The following CEP164 variants were observed in gnomAD, a reference collection of about 807,000 sequenced individuals.
CEP164 encodes the protein centrosomal protein of 164 kDa.
Under a neutral mutation model 182.7 loss-of-function variants are expected in CEP164, and 162 were observed. That is an observed-to-expected ratio of 0.89 (90% CI 0.78 to 1.01). The LOEUF is 1.01. Among genes scored for constraint, CEP164 ranks in the 50% least tolerant of loss-of-function variants. CEP164 has a pLI of 0.00. For synonymous variants in CEP164, 661 were observed against 690.0 expected, an observed-to-expected ratio of 0.96 and a Z score of 0.66; for missense variants, 1,735 against 1,790.4, an observed-to-expected ratio of 0.97 and a Z score of 0.56.
intron 20 of CEP164, among the ~76,000 whole-genome samples, chr11:117,393,996 CATA>C (rs1171144579): frequency 1.3e-5 from 2 of 152,244 alleles, no homozygotes; most frequent in African/African-American, 2.4e-5. Flanking sequence ...TGAAATTTGC[CATA>C]TCCCTTCCCC....
chr11:117,393,142 C>A lies in CEP164; in HGVS notation c.2616+16C>A, dbSNP rs1483987108. The stretch of plus-strand genomic sequence containing the variant: ...TGAAGCTGAGGTAGCTCAGCCACAT[C>A]CCCTGCGCGCATGCACACACATGCA... On this transcript the variant is annotated intron_variant, in intron 20 of 32. Coordinates refer to ENST00000278935, the MANE Select transcript of CEP164 (RefSeq NM_014956.5). The A allele has an allele frequency of 1.2e-6, 2 of 1,610,272 alleles. No individual in the cohort carries two copies. Among genetic ancestry groups the A allele is most frequent in the South Asian group, 1.1e-5 (1 of 90,770 alleles).
chr11:117,364,931 C>T (rs17120652), intron 8 of CEP164, among the ~76,000 whole-genome samples: 25,308 of 151,978 alleles, frequency 0.17, 2,389 homozygotes, highest in East Asian at 0.37. Context: ...TCTAAGTGTC[C>T]CGTTTTTATT....
At chr11:117,392,759 C>T in intron 19 of CEP164, 132 bp downstream of exon 19, 1 of 1,314,140 alleles carries the variant, frequency 7.6e-7, no homozygotes, top group Non-Finnish European at 1.0e-6. Flanking sequence ...TTTCTAGTTC[C>T]CTTTTTATGC....
At chr11:117,407,870 G>A in intron 27 of CEP164, 55 bp from the exon 28 acceptor site, 1 of 1,333,482 alleles carries the variant, frequency 7.5e-7, no homozygotes, top group Non-Finnish European at 1.1e-6. Context: ...GCAGGGTTGG[G>A]ACTCCAGCGT....
At chr11:117,369,514 G>C (rs1014817512) in intron 8 of CEP164, among the ~76,000 whole-genome samples, 4 of 152,212 alleles carry the variant, frequency 2.6e-5, no homozygotes, top group African/African-American at 4.8e-5. Context: ...TCTCAGGCTT[G>C]CAGGGAGAGG....
chr11:117,379,573 A>T (rs2043095200), intron 11 of CEP164, among the ~76,000 whole-genome samples: 1 of 152,022 alleles, frequency 6.6e-6, no homozygotes, highest in Non-Finnish European at 1.5e-5. Context: ...TGGGAAGAGG[A>T]GCTAACATTG....
At chr11:117,336,183 A>G in intron 2 of CEP164, 2 of 1,584,056 alleles carry the variant, frequency 1.3e-6, no homozygotes, top group Non-Finnish European at 1.7e-6. Context: ...ACTTGAGGGA[A>G]GGGTCCAGGG....
chr11:117,335,467 A>G (rs1359574804), intron 1 of CEP164, 138 bp from the exon 2 acceptor site: 2 of 152,166 alleles, frequency 1.3e-5, no homozygotes, highest in East Asian at 3.8e-4. Flanking sequence ...GAGGGGGGCC[A>G]TAGTAAACAA....
chr11:117,369,443 ACT>A (rs1427548168), intron 8 of CEP164, among the ~76,000 whole-genome samples: 2 of 152,008 alleles, frequency 1.3e-5, no homozygotes, highest in Non-Finnish European at 2.9e-5. Flanking sequence ...GCTCTGAATG[ACT>A]CTGCTTTACT....
At position 117,412,357 on chromosome 11, in the gene CEP164, G is replaced by C; in HGVS notation, c.*189G>C. 5.6e-6 allele frequency: 3 copies of C among 531,952 alleles called. No homozygotes were observed. The highest frequency in any genetic ancestry group is 1.0e-5 in the Non-Finnish European group (3 of 300,578). 33.0% of individuals were successfully genotyped at this position (531,952 alleles called of 1,614,324 possible). On this transcript the variant is annotated 3_prime_UTR_variant, in exon 33 of 33. Coordinates refer to ENST00000278935, the MANE Select transcript of CEP164 (RefSeq NM_014956.5). The stretch of plus-strand genomic sequence containing the variant: ...TTCTGTGACTATATAACCTATCTCA[G>C]GCTAAAATGTGTGGACTCGTACGAG...
At chr11:117,343,029 C>T (rs1213833758) in intron 3 of CEP164, among the ~76,000 whole-genome samples, 2 of 152,070 alleles carry the variant, frequency 1.3e-5, no homozygotes, top group Non-Finnish European at 2.9e-5. Flanking sequence ...GCACATGCCA[C>T]CATGCTAATT....
intron 1 of CEP164, among the ~76,000 whole-genome samples, chr11:117,330,250 T>G (rs1373592798): frequency 6.6e-6 from 1 of 152,200 alleles, no homozygotes; most frequent in East Asian, 1.9e-4. Context: ...TTTGTAGTCA[T>G]GTGTTTACGT....
chr11:117,364,165 A>G (rs2041355092), intron 8 of CEP164: 1 of 152,132 alleles, frequency 6.6e-6, no homozygotes, highest in Non-Finnish European at 1.5e-5. Context: ...AATATTCCCT[A>G]AGTATTTATA....
In CEP164 at chr11:117,411,273, T is replaced by C; in HGVS notation, c.4163+379T>C. 3.9e-6 allele frequency: 1 copy of C among 254,628 alleles called. No individual in the cohort carries two copies. Among genetic ancestry groups the C allele is most frequent in the Admixed American group, 4.7e-5 (1 of 21,128 alleles). 15.8% of individuals were successfully genotyped at this position (254,628 alleles called of 1,614,324 possible). A position where few individuals can be genotyped will look rare whatever the true frequency, so the allele number is the denominator to read the frequency against. On this transcript the variant is annotated intron_variant, in intron 31 of 32. Coordinates refer to ENST00000278935, the MANE Select transcript of CEP164 (RefSeq NM_014956.5). This position sits in a 1 kb window ranked among gnomAD's most constrained non-coding sequence, Gnocchi z 4.4. ...CTTTGCCCTTGAGCTCTTGTTTGCT[T>C]CCTGTGGCTCCCTTATTCCCCCAGT...
In CEP164 at chr11:117,390,995, C is replaced by G. The variant is rs752527152; in HGVS notation, c.2067-4C>G. On this transcript the variant is annotated splice_region_variant and splice_polypyrimidine_tract_variant and intron_variant, in intron 16 of 32. Transcript: ENST00000278935. ...CCCGTTACCATTCCACTGTGTCCAC[C>G]CAGGGCTGAGCAAGAGGCTTCCCTG... 9 of 1,614,042 alleles carry G rather than the reference C, an allele frequency of 5.6e-6. No individual in the cohort carries two copies. The highest frequency in any genetic ancestry group is 6.8e-6 in the Non-Finnish European group (8 of 1,180,010).
chr11:117,351,747 G>GTTTTT, intron 4 of CEP164, 43 bp from the exon 5 acceptor site: 1 of 1,317,834 alleles, frequency 7.6e-7, no homozygotes, highest in South Asian at 1.8e-5. Flanking sequence ...TTCTTCTTTT[G>GTTTTT]TATCTGAGCA....
At chr11:117,326,771 C>T (rs753283726), upstream of CEP164, among the ~76,000 whole-genome samples, 4 of 152,214 alleles carry the variant, frequency 2.6e-5, no homozygotes, top group Non-Finnish European at 4.4e-5. Context: ...TATCCTGAGT[C>T]AGCTACATCT....
At chr11:117,395,216 C>T in intron 23 of CEP164, 25 bp downstream of exon 23, 1 of 1,610,326 alleles carries the variant, frequency 6.2e-7, no homozygotes, top group Non-Finnish European at 8.5e-7. Flanking sequence ...TTTGTCCTCC[C>T]TCCTGTTCTT....
At chr11:117,330,689 A>G (rs773738215) in intron 1 of CEP164, among the ~76,000 whole-genome samples, 4 of 152,208 alleles carry the variant, frequency 2.6e-5, no homozygotes, top group Non-Finnish European at 5.9e-5. Flanking sequence ...TAATGTCTGA[A>G]TGGCCTTAAC....
Sources: allele counts gnomAD v4.1 joint callset (sites outside exome capture counted in the v4.1 genomes callset), GRCh38; gene constraint gnomAD v4.1.1; non-coding constraint Gnocchi (gnomAD v3.1); transcripts MANE v1.5; gene names NCBI Gene and HGNC (gene_info 2026-07-23, HGNC 2026-07-21).